MSRA: variants seen among roughly 807,000 people sequenced by gnomAD.
The protein encoded by MSRA is mitochondrial peptide methionine sulfoxide reductase.
In MSRA, 54 loss-of-function variants were observed where a neutral mutation model predicts 31.3. The observed-to-expected ratio is 1.73, with a 90% CI of 1.39 to 2.17. The LOEUF is 2.17. MSRA is among the 30% of genes most tolerant of loss of function. The probability of loss-of-function intolerance (pLI) is 0.00; values close to 1 mark genes in which losing one functional copy is unlikely to be tolerated. For missense variants in MSRA, 507 were observed against 300.9 expected, an observed-to-expected ratio of 1.69 and a Z score of -5.07; for synonymous variants, 169 against 116.5, an observed-to-expected ratio of 1.45 and a Z score of -2.90.
At chr8:10,227,824 G>C (rs1005771191) in intron 2 of MSRA, among the ~76,000 whole-genome samples, 2 of 152,162 alleles carry the variant, frequency 1.3e-5, no homozygotes, top group East Asian at 3.8e-4. Context: ...TTAGCAGAAG[G>C]TATTTTCAAA....
At chr8:10,143,663 C>A (rs922666166) in intron 1 of MSRA, among the ~76,000 whole-genome samples, 2 of 152,256 alleles carry the variant, frequency 1.3e-5, no homozygotes, top group South Asian at 4.2e-4. Flanking sequence ...AATCAGGGCT[C>A]CTTCTGGCTC....
At position 10,177,456 on chromosome 8, in the gene MSRA, C is replaced by T. The variant is rs986304004; in HGVS notation, c.143-30377C>T. ...GAGCTTTGATAACTTTTTGTTGATA[C>T]ATTTTCTTTGAGTTCAGCGAGCTGG... On this transcript the variant is annotated intron_variant, in intron 1 of 5. Coordinates refer to ENST00000317173, the MANE Select transcript of MSRA (RefSeq NM_012331.5). Among the ~76,000 whole-genome samples the T allele has an allele frequency of 2.0e-5, 3 of 147,728 alleles. No individual in the cohort carries two copies. The South Asian group carries it at 7.2e-4, about 36-fold the overall frequency.
chr8:10,365,615 A>G (rs1271405157), intron 5 of MSRA, among the ~76,000 whole-genome samples: 1 of 152,244 alleles, frequency 6.6e-6, no homozygotes, highest in African/African-American at 2.4e-5. Flanking sequence ...TTTTATCTGC[A>G]ACAGCAGGAA....
chr8:10,145,838 G>A (rs549715596), intron 1 of MSRA, among the ~76,000 whole-genome samples: 2 of 152,310 alleles, frequency 1.3e-5, no homozygotes, highest in South Asian at 2.1e-4. Context: ...GTGTGTGTGT[G>A]TGTGTAATGA....
chr8:10,141,556 T>G (rs892494148), intron 1 of MSRA, among the ~76,000 whole-genome samples: 1 of 152,172 alleles, frequency 6.6e-6, no homozygotes, highest in Admixed American at 6.5e-5. Context: ...CACAGAAGCC[T>G]TAGAGCTAAG....
At chr8:10,155,884 A>G (rs987953205) in intron 1 of MSRA, among the ~76,000 whole-genome samples, 11 of 152,226 alleles carry the variant, frequency 7.2e-5, no homozygotes, top group African/African-American at 1.9e-4. Flanking sequence ...CTCATGTTAT[A>G]ACCTTAATGT....
At chr8:10,094,828 G>A (rs1330754425) in intron 1 of MSRA, among the ~76,000 whole-genome samples, 1 of 152,232 alleles carries the variant, frequency 6.6e-6, no homozygotes, top group Admixed American at 6.5e-5. Context: ...GTAAACAAGT[G>A]ACTATGCTGG....
chr8:10,301,531 A>G lies in MSRA; in HGVS notation c.332-3A>G, dbSNP rs373125212. On this transcript the variant is annotated splice_polypyrimidine_tract_variant and splice_region_variant and intron_variant, in intron 3 of 5. Coordinates refer to ENST00000317173, the MANE Select transcript of MSRA (RefSeq NM_012331.5). The stretch of plus-strand genomic sequence containing the variant: ...TTCGGTTGTACGTTTTGTTTTTTCC[A>G]AGAAAAAACTGGCCATGCAGAAGTC... The G allele has an allele frequency of 4.2e-5, 67 of 1,605,768 alleles. No homozygotes were observed. Among genetic ancestry groups the G allele is most frequent in the Non-Finnish European group, 5.5e-5 (65 of 1,177,588 alleles).
At chr8:10,243,180 G>A (rs887250209) in intron 2 of MSRA, among the ~76,000 whole-genome samples, 2 of 152,158 alleles carry the variant, frequency 1.3e-5, no homozygotes, top group Non-Finnish European at 2.9e-5. Context: ...GGATTCTGGT[G>A]CTCTCTGGTG....
At chr8:10,166,535 G>A (rs1191063923) in intron 1 of MSRA, among the ~76,000 whole-genome samples, 5 of 152,176 alleles carry the variant, frequency 3.3e-5, no homozygotes, top group Admixed American at 3.3e-4. Flanking sequence ...ATATGTGTGT[G>A]TGCATGTGCA....
At chr8:10,121,439 C>T (rs139450684) in intron 1 of MSRA, among the ~76,000 whole-genome samples, 8 of 152,172 alleles carry the variant, frequency 5.3e-5, no homozygotes, top group Middle Eastern at 3.4e-3. Flanking sequence ...GGCAGGCTGA[C>T]GTAGAAGTGC....
chr8:10,251,989 T>C (rs536789326), intron 3 of MSRA, among the ~76,000 whole-genome samples: 1 of 152,322 alleles, frequency 6.6e-6, no homozygotes, highest in South Asian at 2.1e-4. Context: ...AGAAGGGTTC[T>C]GCAGGAGCTC....
intron 3 of MSRA, among the ~76,000 whole-genome samples, chr8:10,272,292 G>C (rs1213420182): frequency 6.6e-6 from 1 of 152,154 alleles, no homozygotes; most frequent in Non-Finnish European, 1.5e-5. Context: ...TATGATTATG[G>C]AGGCTGGTGA....
intron 3 of MSRA, among the ~76,000 whole-genome samples, chr8:10,255,669 A>T (rs892180076): frequency 4.0e-5 from 6 of 151,804 alleles, no homozygotes; most frequent in Admixed American, 6.6e-5. Context: ...GTTGCGTTTG[A>T]TAGTTTGAAA....
At chr8:10,198,515 T>G (rs1317927985) in intron 1 of MSRA, among the ~76,000 whole-genome samples, 1 of 152,238 alleles carries the variant, frequency 6.6e-6, no homozygotes, top group Non-Finnish European at 1.5e-5. Flanking sequence ...TTTAAACAGT[T>G]CTGTTGTAAA....
At chr8:10,307,519 T>C (rs1185615202) in intron 4 of MSRA, among the ~76,000 whole-genome samples, 2 of 152,164 alleles carry the variant, frequency 1.3e-5, no homozygotes, top group Non-Finnish European at 2.9e-5. Context: ...TTTTAGTACA[T>C]TTAAAAAAGC....
At chr8:10,339,817 A>G (rs1405870476) in intron 5 of MSRA, among the ~76,000 whole-genome samples, 2 of 151,682 alleles carry the variant, frequency 1.3e-5, no homozygotes, top group Non-Finnish European at 2.9e-5. Flanking sequence ...CTGGGATTAC[A>G]GGCGTGAGCC....
At chr8:10,134,826 C>T (rs556396619) in intron 1 of MSRA, among the ~76,000 whole-genome samples, 3 of 152,312 alleles carry the variant, frequency 2.0e-5, no homozygotes, top group African/African-American at 7.2e-5. Context: ...GTTGCATTTT[C>T]TGTTTAAATG....
chr8:10,072,191 A>G (rs1288106656), intron 1 of MSRA, among the ~76,000 whole-genome samples: 2 of 152,272 alleles, frequency 1.3e-5, no homozygotes, highest in South Asian at 4.1e-4. Context: ...TAAGCCTGCC[A>G]CAGGTGATGA....
Sources: allele counts gnomAD v4.1 joint callset (sites outside exome capture counted in the v4.1 genomes callset), GRCh38; gene constraint gnomAD v4.1.1; transcripts MANE v1.5; gene names NCBI Gene and HGNC (gene_info 2026-07-23, HGNC 2026-07-21).